CNTN5: variants seen among roughly 807,000 people sequenced by gnomAD.
The protein encoded by CNTN5 is contactin 5.
Under a neutral mutation model 129.1 loss-of-function variants are expected in CNTN5, and 77 were observed. The observed-to-expected ratio is 0.60, with a 90% CI of 0.50 to 0.72. The LOEUF (loss-of-function observed/expected upper bound fraction) is 0.72, where lower values mean the gene tolerates loss of function less well. Among genes scored for constraint, CNTN5 ranks in the 30% least tolerant of loss-of-function variants. CNTN5 has a pLI of 0.00. For missense variants in CNTN5, 1,478 were observed against 1,328.8 expected (o/e 1.11, Z -1.75); for synonymous variants, 509 against 465.6 (o/e 1.09, Z -1.20).
chr11:99,833,312 T>C (rs7129269), intron 4 of CNTN5, among the ~76,000 whole-genome samples: 19,173 of 152,062 alleles, frequency 0.13, 1,704 homozygotes, highest in East Asian at 0.43. Flanking sequence ...CAAGATAATA[T>C]ACAGACAATC....
intron 10 of CNTN5, among the ~76,000 whole-genome samples, chr11:100,061,685 T>C (rs1943490379): frequency 6.6e-6 from 1 of 152,190 alleles, no homozygotes; most frequent in Admixed American, 6.5e-5. Flanking sequence ...GTTAAAAATC[T>C]TGGAAAACTT....
chr11:99,923,091 T>A (rs2136042046), intron 7 of CNTN5, among the ~76,000 whole-genome samples: 1 of 152,320 alleles, frequency 6.6e-6, no homozygotes, highest in South Asian at 2.1e-4. Context: ...ATCCATTTTC[T>A]TATTACCTCA....
At chr11:99,037,414 T>A (rs1863791130) in intron 1 of CNTN5, among the ~76,000 whole-genome samples, 1 of 152,094 alleles carries the variant, frequency 6.6e-6, no homozygotes, top group South Asian at 2.1e-4. Context: ...CTTCAGCAAC[T>A]CTTTTCTAGG....
chr11:100,051,006 C>T (rs1042888208), intron 9 of CNTN5, among the ~76,000 whole-genome samples: 1 of 152,076 alleles, frequency 6.6e-6, no homozygotes, highest in Non-Finnish European at 1.5e-5. Context: ...TTTTAACACT[C>T]TTCTCTAGTA....
chr11:99,944,191 A>G (rs1950506349), intron 7 of CNTN5, among the ~76,000 whole-genome samples: 1 of 152,048 alleles, frequency 6.6e-6, no homozygotes, highest in African/African-American at 2.4e-5. Context: ...TAAGAGGGAA[A>G]TTTATAGCAC....
At chr11:99,258,851 A>T (rs1862500040) in intron 1 of CNTN5, among the ~76,000 whole-genome samples, 1 of 151,916 alleles carries the variant, frequency 6.6e-6, no homozygotes, top group Non-Finnish European at 1.5e-5. Context: ...TAAGATATAA[A>T]ATTATTTTAT....
At chr11:99,025,521 A>G (rs1863074928) in intron 1 of CNTN5, among the ~76,000 whole-genome samples, 2 of 151,752 alleles carry the variant, frequency 1.3e-5, no homozygotes, top group African/African-American at 4.8e-5. Flanking sequence ...TAAACGTAGC[A>G]TATGTTTAGG....
chr11:99,640,466 T>C (rs1028999897), intron 3 of CNTN5, among the ~76,000 whole-genome samples: 1 of 152,166 alleles, frequency 6.6e-6, no homozygotes. Context: ...ACCATGAGAA[T>C]AGCAAGGGAA....
intron 13 of CNTN5, among the ~76,000 whole-genome samples, chr11:100,077,895 G>T (rs766763788): frequency 2.6e-5 from 4 of 151,876 alleles, no homozygotes; most frequent in East Asian, 1.9e-4. Context: ...TACGTCAATT[G>T]CTTTCATAGC....
chr11:99,294,160 A>C (rs961156994), intron 1 of CNTN5, among the ~76,000 whole-genome samples: 1 of 152,028 alleles, frequency 6.6e-6, no homozygotes, highest in Non-Finnish European at 1.5e-5. Context: ...TTTTAAATTA[A>C]TTCATTGGTT....
At chr11:99,489,565 T>A (rs1164572415) in intron 2 of CNTN5, among the ~76,000 whole-genome samples, 1 of 152,206 alleles carries the variant, frequency 6.6e-6, no homozygotes, top group African/African-American at 2.4e-5. Context: ...CTGTGATTAA[T>A]GAAGGCTTAA....
chr11:100,006,201 A>G (rs896572180), intron 9 of CNTN5, among the ~76,000 whole-genome samples: 3 of 152,176 alleles, frequency 2.0e-5, no homozygotes, highest in African/African-American at 7.2e-5. Context: ...TCATGCTGAT[A>G]TAAGTCTTCA....
chr11:99,744,510 G>GCAAC (rs1173508985), intron 3 of CNTN5, among the ~76,000 whole-genome samples: 1 of 123,810 alleles, frequency 8.1e-6, no homozygotes, highest in Non-Finnish European at 1.6e-5. Context: ...GACCGATTGG[G>GCAAC]CAACATAGCA....
intron 3 of CNTN5, among the ~76,000 whole-genome samples, chr11:99,661,752 A>G (rs1952600991): frequency 1.3e-5 from 2 of 152,146 alleles, no homozygotes; most frequent in African/African-American, 4.8e-5. Context: ...GATTATTAAA[A>G]TAACCCCAGT....
intron 3 of CNTN5, among the ~76,000 whole-genome samples, chr11:99,572,163 A>C (rs1790275): frequency 1.1e-3 from 164 of 152,314 alleles, no homozygotes; most frequent in Non-Finnish European, 1.5e-3. Context: ...GAGATGTAAA[A>C]TAGGAATGTT....
intron 2 of CNTN5, among the ~76,000 whole-genome samples, chr11:99,477,809 C>A (rs1052722348): frequency 2.0e-5 from 3 of 151,006 alleles, no homozygotes; most frequent in African/African-American, 7.3e-5. Context: ...GTAATTATTT[C>A]CTTTAAAAAA....
chr11:99,032,010 T>C (rs1863411046), intron 1 of CNTN5, among the ~76,000 whole-genome samples: 1 of 148,996 alleles, frequency 6.7e-6, no homozygotes, highest in East Asian at 2.0e-4. Context: ...AGTGAGAATA[T>C]GCGGTGTTTG....
intron 16 of CNTN5, among the ~76,000 whole-genome samples, chr11:100,252,816 A>C (rs1025419884): frequency 9.9e-5 from 15 of 152,140 alleles, no homozygotes; most frequent in African/African-American, 3.6e-4. Flanking sequence ...TTCTTCACAG[A>C]ATGGCAATTT....
intron 2 of CNTN5, among the ~76,000 whole-genome samples, chr11:99,554,034 A>G (rs531641298): frequency 6.6e-6 from 1 of 150,972 alleles, no homozygotes; most frequent in South Asian, 2.1e-4. Context: ...AAGAGATTTT[A>G]ACATAAAATA....
Sources: gnomAD v4.1 joint callset for allele counts (sites outside exome capture counted in the v4.1 genomes callset) on GRCh38, gnomAD v4.1.1 for gene constraint, MANE v1.5 for transcripts, NCBI Gene and HGNC (gene_info 2026-07-23, HGNC 2026-07-21) for gene names.